CTNNA3: variants seen among roughly 807,000 people sequenced by gnomAD.
The protein encoded by CTNNA3 is catenin alpha-3.
A neutral mutation model predicts 95.7 loss-of-function variants in CTNNA3; 76 were observed. The observed-to-expected ratio is 0.79, with a 90% CI of 0.66 to 0.96. The LOEUF is 0.96. CTNNA3 is among the 40% of genes least tolerant of loss of function. The pLI, the probability that CTNNA3 is intolerant of heterozygous loss-of-function variation, is 0.00. For synonymous variants in CTNNA3, 431 were observed against 374.4 expected (o/e 1.15, Z -1.74); for missense variants, 1,191 against 1,089.8 (o/e 1.09, Z -1.31).
At chr10:66,928,246 C>T in intron 7 of CTNNA3, 1 of 1,614,130 alleles carries the variant, frequency 6.2e-7, no homozygotes, top group African/African-American at 1.3e-5. Context: ...GTCATGGAAG[C>T]GGTACCCTGC....
intron 7 of CTNNA3, among the ~76,000 whole-genome samples, chr10:67,029,066 G>C (rs1044743033): frequency 1.3e-5 from 2 of 152,116 alleles, no homozygotes; most frequent in Admixed American, 1.3e-4. Flanking sequence ...GTGGATGTAA[G>C]AGCACACTAC....
At chr10:67,241,023 A>G (rs10823013) in intron 5 of CTNNA3, among the ~76,000 whole-genome samples, 32,606 of 152,148 alleles carry the variant, frequency 0.21, 4,160 homozygotes, top group African/African-American at 0.35. Context: ...CAGAAAAACA[A>G]AAAAGTTATG....
intron 5 of CTNNA3, among the ~76,000 whole-genome samples, chr10:67,447,997 T>A (rs934712291): frequency 6.6e-6 from 1 of 152,246 alleles, no homozygotes; most frequent in African/African-American, 2.4e-5. Context: ...CAACTCTGTA[T>A]AGCTAGAGCT....
At chr10:65,965,021 G>A (rs2077926960) in intron 17 of CTNNA3, among the ~76,000 whole-genome samples, 1 of 152,046 alleles carries the variant, frequency 6.6e-6, no homozygotes, top group Non-Finnish European at 1.5e-5. Context: ...AAAGTGACAG[G>A]GCACTAGTAA....
intron 15 of CTNNA3, among the ~76,000 whole-genome samples, chr10:66,040,794 G>A (rs1256275376): frequency 6.6e-6 from 1 of 152,086 alleles, no homozygotes; most frequent in Non-Finnish European, 1.5e-5. Flanking sequence ...TAGTACCTGG[G>A]TGACAAGGAA....
intron 1 of CTNNA3, among the ~76,000 whole-genome samples, chr10:67,649,060 C>A (rs1839803738): frequency 6.6e-6 from 1 of 152,182 alleles, no homozygotes; most frequent in African/African-American, 2.4e-5. Flanking sequence ...ATATGTCCTT[C>A]AGTGTATAGC....
At chr10:67,198,906 T>C (rs965380222) in intron 6 of CTNNA3, among the ~76,000 whole-genome samples, 6 of 152,186 alleles carry the variant, frequency 3.9e-5, no homozygotes, top group Middle Eastern at 3.2e-3. Flanking sequence ...CCTTATTTTT[T>C]CCCTTGGTGC....
intron 11 of CTNNA3, among the ~76,000 whole-genome samples, chr10:66,469,971 T>C (rs1465720218): frequency 1.3e-5 from 2 of 151,882 alleles, no homozygotes; most frequent in Non-Finnish European, 2.9e-5. Flanking sequence ...AGCTTACATC[T>C]AAAGGAAATT....
intron 2 of CTNNA3, among the ~76,000 whole-genome samples, chr10:67,645,461 TA>T (rs1433096436): frequency 6.6e-6 from 1 of 152,184 alleles, no homozygotes; most frequent in African/African-American, 2.4e-5. Context: ...AGCATTAATG[TA>T]TTTGTTTTCA....
At chr10:67,449,845 A>G (rs1409600573) in intron 5 of CTNNA3, among the ~76,000 whole-genome samples, 1 of 152,212 alleles carries the variant, frequency 6.6e-6, no homozygotes, top group Non-Finnish European at 1.5e-5. Context: ...TGCACAGCAA[A>G]AGAAACTATC....
intron 7 of CTNNA3, among the ~76,000 whole-genome samples, chr10:66,790,310 G>C (rs528469559): frequency 6.6e-6 from 1 of 152,030 alleles, no homozygotes; most frequent in Non-Finnish European, 1.5e-5. Context: ...ATTACCAGGC[G>C]TGGTGGTGCA....
At chr10:66,600,204 T>C (rs552945361) in intron 10 of CTNNA3, among the ~76,000 whole-genome samples, 79 of 151,892 alleles carry the variant, frequency 5.2e-4, no homozygotes, top group African/African-American at 1.9e-3. Flanking sequence ...TTCAGAAAAA[T>C]GGTTTTTCAT....
At position 67,205,819 on chromosome 10, in the gene CTNNA3, C is replaced by T. The variant is rs577900837; in HGVS notation, c.843+13788G>A. ...TTCCTAGGGAAAAAAGGGAGAGACACGTTACCATTTACTTTAGAAAACTTG... is the reference window on the plus strand; with the variant it reads ...TTCCTAGGGAAAAAAGGGAGAGACATGTTACCATTTACTTTAGAAAACTTG... On this transcript the variant is annotated intron_variant, in intron 6 of 17. Coordinates refer to ENST00000433211, the MANE Select transcript of CTNNA3 (RefSeq NM_013266.4). 3.7e-4 allele frequency among the ~76,000 whole-genome samples: 57 copies of T among 152,274 alleles called. 1 individual carries two copies. The highest frequency in any genetic ancestry group is 3.4e-3 in the Middle Eastern group (1 of 294).
chr10:67,237,173 T>TATAC (rs1554810783), intron 5 of CTNNA3, among the ~76,000 whole-genome samples: 100 of 112,682 alleles, frequency 8.9e-4, no homozygotes, highest in African/African-American at 1.5e-3. Context: ...TATATATATA[T>TATAC]ACACACACAA....
chr10:67,164,560 A>G (rs1361799072), intron 7 of CTNNA3, among the ~76,000 whole-genome samples: 1 of 152,144 alleles, frequency 6.6e-6, no homozygotes, highest in African/African-American at 2.4e-5. Flanking sequence ...CACAAAAAGC[A>G]TGACACATAA....
At chr10:66,293,797 C>T (rs1328178374) in intron 12 of CTNNA3, among the ~76,000 whole-genome samples, 1 of 151,778 alleles carries the variant, frequency 6.6e-6, no homozygotes, top group Admixed American at 6.6e-5. Flanking sequence ...TCCCGAGTAG[C>T]TGGGATTACA....
Position 66,289,240 on chromosome 10 carries a change from T to A in CTNNA3, c.1733-8619A>T, listed in dbSNP as rs539784947. 5.7e-4 allele frequency among the ~76,000 whole-genome samples: 87 copies of A among 151,528 alleles called. 1 individual carries two copies. The highest frequency in any genetic ancestry group is 1.3e-4 in the Non-Finnish European group (9 of 67,910). On this transcript the variant is annotated intron_variant, in intron 12 of 17. Transcript: ENST00000433211. ...GTGATTTTATTTTCCGCATTAGCTGTATTTCCCATGGAAGCATAAGAGCTT... is the reference window on the plus strand; with the variant it reads ...GTGATTTTATTTTCCGCATTAGCTGAATTTCCCATGGAAGCATAAGAGCTT...
At chr10:67,519,460 C>T (rs1288488343) in intron 5 of CTNNA3, among the ~76,000 whole-genome samples, 3 of 152,112 alleles carry the variant, frequency 2.0e-5, no homozygotes, top group Admixed American at 2.0e-4. Flanking sequence ...CCCTTGGTAT[C>T]CAGGAAACCA....
At chr10:66,806,502 T>C (rs962217591) in intron 7 of CTNNA3, among the ~76,000 whole-genome samples, 3 of 152,024 alleles carry the variant, frequency 2.0e-5, no homozygotes, top group Non-Finnish European at 4.4e-5. Flanking sequence ...TTTCTCAAAA[T>C]TGTGCTAAAA....
Sources: allele counts gnomAD v4.1 joint callset (sites outside exome capture counted in the v4.1 genomes callset), GRCh38; gene constraint gnomAD v4.1.1; transcripts MANE v1.5; gene names NCBI Gene and HGNC (gene_info 2026-07-23, HGNC 2026-07-21).